The following RRAGD variants were observed in gnomAD, a reference collection of about 807,000 sequenced individuals.
The protein encoded by RRAGD is Ras related GTP binding D, also known as ras-related GTP-binding protein D.
RRAGD carries 12 observed loss-of-function variants against 35.5 expected under a neutral mutation model. The observed-to-expected ratio is 0.34, with a 90% confidence interval of 0.22 to 0.55. The LOEUF (loss-of-function observed/expected upper bound fraction) is 0.55. Among genes scored for constraint, RRAGD ranks in the 20% least tolerant of loss-of-function variants. The pLI is 0.91. For synonymous variants in RRAGD, 155 were observed against 178.9 expected (o/e 0.87, Z 1.07); for missense variants, 324 against 490.1 (o/e 0.66, Z 3.20).
At chr6:89,371,684 T>C (rs1377175827) in intron 6 of RRAGD, among the ~76,000 whole-genome samples, 2 of 152,214 alleles carry the variant, frequency 1.3e-5, no homozygotes, top group East Asian at 3.8e-4. Context: ...ATTCAGGATA[T>C]GTAACTATTT....
intron 1 of RRAGD, among the ~76,000 whole-genome samples, chr6:89,393,708 A>G (rs1769279665): frequency 6.6e-6 from 1 of 152,228 alleles, no homozygotes; most frequent in Non-Finnish European, 1.5e-5. Context: ...AGATTATGGA[A>G]GACAACATAG....
chr6:89,402,386 T>C (rs1168047558), intron 1 of RRAGD, among the ~76,000 whole-genome samples: 2 of 152,132 alleles, frequency 1.3e-5, no homozygotes, highest in Admixed American at 6.5e-5. Context: ...TAATATGATT[T>C]ACATTTCATT....
intron 6 of RRAGD, 149 bp downstream of exon 6, chr6:89,372,288 G>A (rs1369968544): frequency 1.5e-5 from 13 of 860,790 alleles, no homozygotes; most frequent in Admixed American, 2.9e-5. Flanking sequence ...AGCCCGCCCC[G>A]CTCTGAACTC....
At chr6:89,371,045 A>AATTCATATTTGTATT (rs1768846387) in intron 6 of RRAGD, among the ~76,000 whole-genome samples, 1 of 151,684 alleles carries the variant, frequency 6.6e-6, no homozygotes, top group Non-Finnish European at 1.5e-5. Context: ...TATGTAATAT[A>AATTCATATTTGTATT]AAATATAAAT....
chr6:89,373,566 C>T (rs941108691), intron 5 of RRAGD, among the ~76,000 whole-genome samples: 3 of 147,080 alleles, frequency 2.0e-5, no homozygotes, highest in Non-Finnish European at 4.4e-5. Context: ...TGCCGTGAGC[C>T]GAGATTGTGC....
At chr6:89,377,506 C>G (rs774060659) in intron 5 of RRAGD, among the ~76,000 whole-genome samples, 165 bp downstream of exon 5, 1 of 152,088 alleles carries the variant, frequency 6.6e-6, no homozygotes, top group Non-Finnish European at 1.5e-5. Context: ...GTGGCATTTG[C>G]TCAATAACTG....
intron 5 of RRAGD, among the ~76,000 whole-genome samples, chr6:89,377,353 C>G (rs1437157028): frequency 6.6e-6 from 1 of 152,148 alleles, no homozygotes; most frequent in Non-Finnish European, 1.5e-5. Flanking sequence ...GTGGCTCATG[C>G]CTATAATCCC....
intron 1 of RRAGD, among the ~76,000 whole-genome samples, chr6:89,399,767 ATT>A (rs71556518): frequency 4.6e-5 from 6 of 130,802 alleles, no homozygotes. Flanking sequence ...ATGCCCAGCT[ATT>A]TTTTTTTTTT....
chr6:89,386,268 C>T (rs538026913), intron 2 of RRAGD, among the ~76,000 whole-genome samples: 18 of 152,340 alleles, frequency 1.2e-4, no homozygotes, highest in African/African-American at 4.1e-4. Context: ...CCCTATCCTG[C>T]TGCACATCCC....
At chr6:89,394,296 GA>G (rs1317109325) in intron 1 of RRAGD, among the ~76,000 whole-genome samples, 1 of 151,602 alleles carries the variant, frequency 6.6e-6, no homozygotes, top group East Asian at 1.9e-4. Flanking sequence ...AAAGAGAAGT[GA>G]AAAAAAATTT....
In RRAGD at chr6:89,372,212, C is replaced by A. The variant is rs1401705590; in HGVS notation, c.1051+225G>T. On this transcript the variant is annotated intron_variant, in intron 6 of 6. Coordinates refer to ENST00000369415, the MANE Select transcript of RRAGD (RefSeq NM_021244.5). ...ATGGGGTTCCACTTCCACCTCGCTG[C>A]AATCGCAGATGCACCACTAGAGGGC... Among the ~76,000 whole-genome samples, 3 of 152,202 alleles carry A rather than the reference C, an allele frequency of 2.0e-5. No individual in the cohort carries two copies. In the East Asian group the frequency reaches 5.8e-4, roughly 29 times the overall value.
chr6:89,371,303 A>G (rs1768850640), intron 6 of RRAGD, among the ~76,000 whole-genome samples: 1 of 152,120 alleles, frequency 6.6e-6, no homozygotes, highest in Non-Finnish European at 1.5e-5. Context: ...AGCCTAGGAA[A>G]CATGGTGAGA....
intron 1 of RRAGD, among the ~76,000 whole-genome samples, chr6:89,394,341 G>A (rs1303471195): frequency 6.6e-6 from 1 of 151,984 alleles, no homozygotes; most frequent in Non-Finnish European, 1.5e-5. Flanking sequence ...ATCCTTAGAG[G>A]GGGAAACAAT....
intron 5 of RRAGD, among the ~76,000 whole-genome samples, chr6:89,374,176 A>G (rs559210743): frequency 2.0e-5 from 3 of 152,336 alleles, no homozygotes; most frequent in East Asian, 3.9e-4. Context: ...TCTGTCTGCT[A>G]TAAGAATCCT....
intron 1 of RRAGD, among the ~76,000 whole-genome samples, chr6:89,395,436 T>C (rs1370986803): frequency 1.3e-5 from 2 of 152,132 alleles, no homozygotes; most frequent in East Asian, 1.9e-4. Context: ...GATAGAACTA[T>C]AATCTGTCAA....
At chr6:89,399,463 C>T (rs1022142102) in intron 1 of RRAGD, among the ~76,000 whole-genome samples, 3 of 152,162 alleles carry the variant, frequency 2.0e-5, no homozygotes, top group African/African-American at 7.2e-5. Context: ...TTACATTCAG[C>T]TAGGGTGTAT....
rs1365146724 is a variant in RRAGD, at chr6:89,365,782, C to T, written c.*2274G>A. On this transcript the variant is annotated 3_prime_UTR_variant, in exon 7 of 7. Transcript: ENST00000369415. ...CATATACCCAGCTTAAACATGGAAG[C>T]TCCAACCTGGTTATAGTAATAAATA... 6.6e-6 allele frequency: 1 copy of T among 152,194 alleles called. No homozygotes were observed. The highest frequency in any genetic ancestry group is 1.5e-5 in the Non-Finnish European group (1 of 68,040). 9.4% of individuals were successfully genotyped at this position (152,194 alleles called of 1,614,324 possible). A position where few individuals can be genotyped will look rare whatever the true frequency, so the allele number is the denominator to read the frequency against.
At chr6:89,389,419 G>A (rs995370683) in intron 1 of RRAGD, among the ~76,000 whole-genome samples, 1 of 151,956 alleles carries the variant, frequency 6.6e-6, no homozygotes, top group Non-Finnish European at 1.5e-5. Context: ...AGCCAGGCGT[G>A]GTGGCGGGCA....
chr6:89,377,981 A>T (rs1768975497), intron 4 of RRAGD, among the ~76,000 whole-genome samples, 168 bp from the exon 5 acceptor site: 1 of 152,226 alleles, frequency 6.6e-6, no homozygotes, highest in South Asian at 2.1e-4. Context: ...CACTGTCATA[A>T]ACTTCTCTAT....
Sources: allele counts gnomAD v4.1 joint callset (sites outside exome capture counted in the v4.1 genomes callset), GRCh38; gene constraint gnomAD v4.1.1; transcripts MANE v1.5; gene names NCBI Gene and HGNC (gene_info 2026-07-23, HGNC 2026-07-21).